The following GATAD2B variants were observed in gnomAD, a reference collection of about 807,000 sequenced individuals.
The protein encoded by GATAD2B is GATA zinc finger domain containing 2B.
GATAD2B carries 8 observed loss-of-function variants against 64.3 expected under a neutral mutation model. That is an observed-to-expected ratio of 0.12 (90% CI 0.07 to 0.22). The LOEUF is 0.22. Ranked by LOEUF, GATAD2B falls within the 10% of genes least tolerant of loss-of-function variation. The probability of loss-of-function intolerance (pLI) is 1.00; values close to 1 mark genes in which losing one functional copy is unlikely to be tolerated. For missense variants in GATAD2B, 453 were observed against 752.0 expected (o/e 0.60, Z 4.65); for synonymous variants, 281 against 271.3 (o/e 1.04, Z -0.35).
At chr1:153,876,490 G>T (rs1205121432) in intron 1 of GATAD2B, among the ~76,000 whole-genome samples, 1 of 152,076 alleles carries the variant, frequency 6.6e-6, no homozygotes, top group Non-Finnish European at 1.5e-5. Flanking sequence ...TCACATTCTT[G>T]AAAGAAAGAG....
At chr1:153,833,995 T>C (rs1211045853) in intron 1 of GATAD2B, among the ~76,000 whole-genome samples, 6 of 151,352 alleles carry the variant, frequency 4.0e-5, no homozygotes, top group Non-Finnish European at 7.4e-5. Context: ...TTTATGTTTT[T>C]TTTTGGTTGT....
chr1:153,868,184 C>CA (rs1676542794), intron 1 of GATAD2B, among the ~76,000 whole-genome samples: 2 of 151,362 alleles, frequency 1.3e-5, no homozygotes, highest in Non-Finnish European at 2.9e-5. Context: ...ACTGGGTGGA[C>CA]AGAGGCAGAC....
At chr1:153,839,753 T>C (rs1675410308) in intron 1 of GATAD2B, among the ~76,000 whole-genome samples, 1 of 152,094 alleles carries the variant, frequency 6.6e-6, no homozygotes, top group Non-Finnish European at 1.5e-5. Flanking sequence ...GCAGATCACT[T>C]GAGGTTAGGA....
chr1:153,874,824 G>C (rs936000775), intron 1 of GATAD2B, among the ~76,000 whole-genome samples: 5 of 151,548 alleles, frequency 3.3e-5, no homozygotes, highest in Admixed American at 6.6e-5. Flanking sequence ...TGATCCACTC[G>C]CCTTGGCCCC....
Position 153,806,922 on chromosome 1 carries a change from C to T in GATAD2B, c.*3255G>A, listed in dbSNP as rs1175836518. 1 of 151,926 alleles carries T rather than the reference C, an allele frequency of 6.6e-6. No homozygotes were observed. The highest frequency in any genetic ancestry group is 1.5e-5 in the Non-Finnish European group (1 of 67,952). The allele number at this position is 151,926 out of a possible 1,614,324, so 9.4% of individuals were successfully genotyped here. ...TTTTAAAGGGGAAAGGAAAGGTAAC[C>T]AAAGCAGGAAAACATTTATCTCTGT... On this transcript the variant is annotated 3_prime_UTR_variant, in exon 11 of 11. Coordinates refer to ENST00000368655, the MANE Select transcript of GATAD2B (RefSeq NM_020699.4).
chr1:153,826,952 A>C (rs1351338824), intron 2 of GATAD2B, among the ~76,000 whole-genome samples: 4 of 151,538 alleles, frequency 2.6e-5, no homozygotes, highest in South Asian at 4.2e-4. Context: ...AAAAAAAAAA[A>C]AAAAAAAAAA....
At chr1:153,898,798 T>A (rs1452434978) in intron 1 of GATAD2B, 1 of 152,200 alleles carries the variant, frequency 6.6e-6, no homozygotes, top group East Asian at 1.9e-4. Flanking sequence ...AGTGACCTAT[T>A]AGAGCAAGAA....
intron 1 of GATAD2B, among the ~76,000 whole-genome samples, chr1:153,840,630 C>A (rs1325821813): frequency 6.6e-6 from 1 of 152,192 alleles, no homozygotes; most frequent in Non-Finnish European, 1.5e-5. Flanking sequence ...AGCCACTGGG[C>A]CCAGCCGAAA....
At chr1:153,811,906 G>T in intron 9 of GATAD2B, 58 bp from the exon 10 acceptor site, 1 of 1,318,000 alleles carries the variant, frequency 7.6e-7, no homozygotes, top group Non-Finnish European at 1.1e-6. Flanking sequence ...TTAAGCGGGG[G>T]CAAAGATAAG....
At chr1:153,875,821 G>A (rs529354867) in intron 1 of GATAD2B, among the ~76,000 whole-genome samples, 68 of 152,072 alleles carry the variant, frequency 4.5e-4, no homozygotes, top group African/African-American at 1.6e-3. Flanking sequence ...CTATGTGCTA[G>A]GCATTGCGCT....
chr1:153,878,366 C>T (rs1276958852), intron 1 of GATAD2B, among the ~76,000 whole-genome samples: 1 of 151,942 alleles, frequency 6.6e-6, no homozygotes, highest in Non-Finnish European at 1.5e-5. Flanking sequence ...TGAGCTCAAG[C>T]AATTCTGCGA....
intron 7 of GATAD2B, among the ~76,000 whole-genome samples, chr1:153,814,226 T>C (rs941246867): frequency 1.3e-5 from 2 of 152,272 alleles, no homozygotes; most frequent in Non-Finnish European, 2.9e-5. Flanking sequence ...TTATAGCTAA[T>C]ACTGACTCCT....
intron 1 of GATAD2B, among the ~76,000 whole-genome samples, chr1:153,901,903 C>A (rs1677787877): frequency 6.6e-6 from 1 of 150,740 alleles, no homozygotes; most frequent in South Asian, 2.1e-4. Flanking sequence ...CCTGAACGTG[C>A]CCGGTCCTGT....
chr1:153,820,622 C>T (rs1161991781), intron 2 of GATAD2B, among the ~76,000 whole-genome samples: 1 of 151,914 alleles, frequency 6.6e-6, no homozygotes, highest in African/African-American at 2.4e-5. Flanking sequence ...GGCAATTGTT[C>T]TTTGGTCCTT....
At chr1:153,840,600 G>A (rs1211235882) in intron 1 of GATAD2B, among the ~76,000 whole-genome samples, 2 of 152,150 alleles carry the variant, frequency 1.3e-5, no homozygotes, top group African/African-American at 4.8e-5. Flanking sequence ...GCCTCCCAAA[G>A]TGCTGAGACT....
intron 8 of GATAD2B, among the ~76,000 whole-genome samples, chr1:153,812,563 T>C (rs1674331532): frequency 6.6e-6 from 1 of 152,200 alleles, no homozygotes; most frequent in East Asian, 1.9e-4. Context: ...TTAAGGCTGA[T>C]GAATTACTGG....
At chr1:153,911,841 A>G (rs1678116666) in intron 1 of GATAD2B, among the ~76,000 whole-genome samples, 1 of 152,176 alleles carries the variant, frequency 6.6e-6, no homozygotes, top group Admixed American at 6.6e-5. Flanking sequence ...GTCCTCCTCT[A>G]ATACCTCCGT....
rs1016299556 is a variant in GATAD2B at position 153,836,755 on chromosome 1, G to A, written c.-1-8407C>T. Among the ~76,000 whole-genome samples, 3 of 152,104 alleles carry A rather than the reference G, an allele frequency of 2.0e-5. No homozygotes were observed. In the South Asian group the frequency reaches 6.2e-4, roughly 32 times the overall value. ...ATTCTAAGTTTTGAGATATATTCAC[G>A]TGCACTGATAGTATATGACAAAACA... On this transcript the variant is annotated intron_variant, in intron 1 of 10. Transcript: ENST00000368655.
At chr1:153,877,146 G>C (rs569717634) in intron 1 of GATAD2B, among the ~76,000 whole-genome samples, 9 of 152,206 alleles carry the variant, frequency 5.9e-5, no homozygotes, top group African/African-American at 2.2e-4. Context: ...ACCAGCCTGG[G>C]AAAAACAGTG....
Sources: allele counts gnomAD v4.1 joint callset (sites outside exome capture counted in the v4.1 genomes callset), GRCh38; gene constraint gnomAD v4.1.1; transcripts MANE v1.5; gene names NCBI Gene and HGNC (gene_info 2026-07-23, HGNC 2026-07-21).